The following GALNT9 variants were observed in gnomAD, a reference collection of about 807,000 sequenced individuals.
GALNT9 encodes polypeptide N-acetylgalactosaminyltransferase 9, also known as GalNAc transferase 9.
Under a neutral mutation model 63.1 loss-of-function variants are expected in GALNT9, and 47 were observed. The observed-to-expected ratio is 0.75, with a 90% CI of 0.59 to 0.95. The LOEUF (loss-of-function observed/expected upper bound fraction) is 0.95, where lower values mean the gene tolerates loss of function less well. GALNT9 is among the 40% of genes least tolerant of loss of function. GALNT9 has a pLI of 0.00. For missense variants in GALNT9, 829 were observed against 874.8 expected (o/e 0.95, Z 0.66); for synonymous variants, 396 against 365.7 (o/e 1.08, Z -0.94).
rs1271276855 is a variant in GALNT9 at position 132,282,591 on chromosome 12, C to A, written c.419+3659G>T. On this transcript the variant is annotated intron_variant, in intron 2 of 10. Coordinates refer to ENST00000328957, the MANE Select transcript of GALNT9 (RefSeq NM_001122636.2). This position sits in a 1 kb window ranked among gnomAD's most constrained non-coding sequence, Gnocchi z 4.5. ...CCCTGGAAGCTCCAAGCTCTCCCCTCTTGATGATAAGGTTGCTGCAGCTCC... is the reference window on the plus strand; with the variant it reads ...CCCTGGAAGCTCCAAGCTCTCCCCTATTGATGATAAGGTTGCTGCAGCTCC... Among the ~76,000 whole-genome samples, 1 of 152,050 alleles carries A rather than the reference C, an allele frequency of 6.6e-6. No homozygotes were observed. Among genetic ancestry groups the A allele is most frequent in the Non-Finnish European group, 1.5e-5 (1 of 68,010 alleles).
intron 6 of GALNT9, among the ~76,000 whole-genome samples, chr12:132,229,467 T>A (rs1877816062): frequency 6.6e-6 from 1 of 152,260 alleles, no homozygotes; most frequent in Non-Finnish European, 1.5e-5. Flanking sequence ...ATGGAGAGAC[T>A]ATCCAGATGA....
At chr12:132,223,145 ACCACAC>A (rs1565992094) in intron 6 of GALNT9, among the ~76,000 whole-genome samples, 2 of 8,550 alleles carry the variant, frequency 2.3e-4, no homozygotes, top group Non-Finnish European at 3.2e-4. Context: ...CCACACACAC[ACCACAC>A]AACCCACACA....
chr12:132,309,421 T>C (rs562031151), intron 1 of GALNT9, among the ~76,000 whole-genome samples: 1 of 152,180 alleles, frequency 6.6e-6, no homozygotes, highest in African/African-American at 2.4e-5. Context: ...CCCCAAAAGC[T>C]ATCTCCACTC....
At chr12:132,214,540 C>T (rs1402481685) in intron 6 of GALNT9, among the ~76,000 whole-genome samples, 1 of 152,220 alleles carries the variant, frequency 6.6e-6, no homozygotes, top group Non-Finnish European at 1.5e-5. Flanking sequence ...CTCTGGGCTA[C>T]CATCCTCCCA....
At position 132,203,662 on chromosome 12, in the gene GALNT9, A is replaced by ACCTCCATG; in HGVS notation, c.1098_1105dup (p.Val369AlafsTer75). ...GTGGGCCACGCGGGAGCAGGGCAGCACCTCCATGCTGCCGCCACACTGCCA... is the reference window on the plus strand; with the variant it reads ...GTGGGCCACGCGGGAGCAGGGCAGCACCTCCATGCCTCCATGCTGCCGCCACACTGCCA... On this transcript the variant is annotated frameshift_variant, in exon 7 of 11. Transcript: ENST00000328957. LOFTEE classifies it high-confidence loss of function. The ACCTCCATG allele has an allele frequency of 6.2e-7, 1 of 1,613,124 alleles. No homozygotes were observed. Among genetic ancestry groups the ACCTCCATG allele is most frequent in the Non-Finnish European group, 8.5e-7 (1 of 1,179,712 alleles).
rs1555246103 is a variant in GALNT9, at chr12:132,321,201, CCAGAGTCGAGGCCCCTGTG to C, written c.238+7746_238+7764del. 5.1e-3 allele frequency among the ~76,000 whole-genome samples: 780 copies of C among 151,544 alleles called. 5 individuals carry two copies. The highest frequency in any genetic ancestry group is 0.017 in the Middle Eastern group (5 of 294). On this transcript the variant is annotated intron_variant, in intron 1 of 10. Coordinates refer to ENST00000328957, the MANE Select transcript of GALNT9 (RefSeq NM_001122636.2). ...GTCCGGAGTCGAGGCCCCTGTTGGT[CCAGAGTCGAGGCCCCTGTG>C]GGTCTGGAGTCGAGGCCCCTGTCGG...
In GALNT9 at chr12:132,285,106, G is replaced by A. The variant is rs573584324; in HGVS notation, c.419+1144C>T. On this transcript the variant is annotated intron_variant, in intron 2 of 10. Coordinates refer to ENST00000328957, the MANE Select transcript of GALNT9 (RefSeq NM_001122636.2). Reference sequence around the variant, plus strand: ...AATCCCGGTGTCAGGGTTCCCTGGCGGGTGGGGCAGGCTGACCACACCAGG... The same window carrying A: ...AATCCCGGTGTCAGGGTTCCCTGGCAGGTGGGGCAGGCTGACCACACCAGG... 7.4e-3 allele frequency among the ~76,000 whole-genome samples: 1,123 copies of A among 152,312 alleles called. 11 individuals carry two copies. The highest frequency in any genetic ancestry group is 0.026 in the African/African-American group (1,064 of 41,580).
intron 2 of GALNT9, among the ~76,000 whole-genome samples, chr12:132,281,349 G>A (rs1302848264): frequency 6.6e-5 from 10 of 152,216 alleles, no homozygotes; most frequent in African/African-American, 1.9e-4. Flanking sequence ...GGCAGGCGAG[G>A]GGCCAGGAGG....
At chr12:132,211,710 C>T (rs549338124) in intron 6 of GALNT9, among the ~76,000 whole-genome samples, 13 of 152,316 alleles carry the variant, frequency 8.5e-5, no homozygotes, top group Non-Finnish European at 1.3e-4. Flanking sequence ...CCCTCTCCGT[C>T]GAGGGGACCC....
intron 1 of GALNT9, among the ~76,000 whole-genome samples, chr12:132,302,518 A>T (rs1228784244): frequency 6.6e-6 from 1 of 152,202 alleles, no homozygotes; most frequent in Non-Finnish European, 1.5e-5. Context: ...TCACCCATCC[A>T]TTATCAAAAC....
In GALNT9 at chr12:132,329,555, C is replaced by T. The variant is rs1869209216; in HGVS notation, c.-352G>A. Among the ~76,000 whole-genome samples the T allele has an allele frequency of 6.8e-6, 1 of 147,402 alleles. No homozygotes were observed. The highest frequency in any genetic ancestry group is 1.5e-5 in the Non-Finnish European group (1 of 66,038). ...GGTGTCTGTGCCGGCTCCTGTCCTG[C>T]CCGCCCCGCAGCCACCGCGCCGGTG... On this transcript the variant is annotated 5_prime_UTR_variant, in exon 1 of 11. Coordinates refer to ENST00000328957, the MANE Select transcript of GALNT9 (RefSeq NM_001122636.2).
intron 6 of GALNT9, among the ~76,000 whole-genome samples, chr12:132,207,912 C>G (rs190806889): frequency 6.6e-6 from 1 of 152,086 alleles, no homozygotes. Context: ...ACAGCCCCCA[C>G]CCCCCACCAC....
intron 6 of GALNT9, among the ~76,000 whole-genome samples, chr12:132,240,301 A>G (rs1220474271): frequency 6.6e-6 from 1 of 152,120 alleles, no homozygotes; most frequent in Non-Finnish European, 1.5e-5. Context: ...CCCTCCCTGT[A>G]GCCCCGGCCC....
At chr12:132,324,136 C>T (rs930274984) in intron 1 of GALNT9, among the ~76,000 whole-genome samples, 1 of 152,230 alleles carries the variant, frequency 6.6e-6, no homozygotes, top group Non-Finnish European at 1.5e-5. Flanking sequence ...TTTCTCAAAG[C>T]GTTTCCAAAA....
chr12:132,314,949 T>C (rs1351557901), intron 1 of GALNT9, among the ~76,000 whole-genome samples: 1 of 152,216 alleles, frequency 6.6e-6, no homozygotes, highest in African/African-American at 2.4e-5. Context: ...CCATCACTTA[T>C]CAAGCGCGAC....
chr12:132,309,896 C>T (rs563756141), intron 1 of GALNT9, among the ~76,000 whole-genome samples: 5 of 152,388 alleles, frequency 3.3e-5, no homozygotes, highest in Non-Finnish European at 5.9e-5. Flanking sequence ...TGTTCTTCAG[C>T]AGCAGAACGA....
intron 1 of GALNT9, among the ~76,000 whole-genome samples, chr12:132,313,969 TCCAC>T (rs1555245486): frequency 3.6e-5 from 1 of 27,446 alleles, no homozygotes; most frequent in African/African-American, 1.6e-4. Flanking sequence ...CACCCATCCA[TCCAC>T]CCACCCACCC....
chr12:132,237,324 C>T (rs1163921557), intron 6 of GALNT9, among the ~76,000 whole-genome samples: 2 of 152,122 alleles, frequency 1.3e-5, no homozygotes, highest in Non-Finnish European at 2.9e-5. Context: ...CTGCTCACAC[C>T]TGCCCAAACC....
chr12:132,257,243 A>G (rs1273021189), intron 5 of GALNT9, among the ~76,000 whole-genome samples: 1 of 152,178 alleles, frequency 6.6e-6, no homozygotes, highest in East Asian at 1.9e-4. Flanking sequence ...ATGAAGAAAA[A>G]TAACCTTCAA....
Sources: gnomAD v4.1 joint callset for allele counts (sites outside exome capture counted in the v4.1 genomes callset) on GRCh38, gnomAD v4.1.1 for gene constraint, Gnocchi (gnomAD v3.1) non-coding constraint, MANE v1.5 for transcripts, NCBI Gene and HGNC (gene_info 2026-07-23, HGNC 2026-07-21) for gene names.